CACNA1C: variants seen among roughly 807,000 people sequenced by gnomAD.
CACNA1C encodes calcium voltage-gated channel subunit alpha1 C.
Under a neutral mutation model 229.0 loss-of-function variants are expected in CACNA1C, and 30 were observed. The observed-to-expected ratio is 0.13, with a 90% confidence interval of 0.10 to 0.18. The LOEUF (loss-of-function observed/expected upper bound fraction) is 0.18. Among genes scored for constraint, CACNA1C ranks in the 10% least tolerant of loss-of-function variants. The pLI is 1.00. For missense variants in CACNA1C, 1,658 were observed against 2,845.0 expected (o/e 0.58, Z 9.49); for synonymous variants, 1,114 against 1,132.5 (o/e 0.98, Z 0.33).
At chr12:2,341,412 G>A (rs1460055782) in intron 3 of CACNA1C, among the ~76,000 whole-genome samples, 3 of 152,152 alleles carry the variant, frequency 2.0e-5, no homozygotes, top group East Asian at 1.9e-4. Flanking sequence ...ATTTCCTGAG[G>A]ATTCCAAGGC....
intron 13 of CACNA1C, among the ~76,000 whole-genome samples, chr12:2,569,346 C>T (rs1435703282): frequency 6.6e-6 from 1 of 152,222 alleles, no homozygotes; most frequent in African/African-American, 2.4e-5. Context: ...TTACCCCTTA[C>T]AATGTGTAAC....
intron 29 of CACNA1C, among the ~76,000 whole-genome samples, chr12:2,623,408 C>G (rs1210889267): frequency 1.3e-5 from 2 of 152,142 alleles, no homozygotes; most frequent in Non-Finnish European, 2.9e-5. Context: ...CGTCCTCCAG[C>G]CCTTGTCTCC....
At chr12:2,634,112 AG>A (rs2091817226) in intron 29 of CACNA1C, among the ~76,000 whole-genome samples, 184 bp from the exon 30 acceptor site, 1 of 151,718 alleles carries the variant, frequency 6.6e-6, no homozygotes, top group Admixed American at 6.6e-5. Context: ...CCAGAACTGT[AG>A]AGTGGTAAGA....
rs1175477245 is a variant in CACNA1C, at chr12:2,053,195, C to T, written c.-368C>T. 8.0e-6 allele frequency: 8 copies of T among 1,001,080 alleles called. No homozygotes were observed. The highest frequency in any genetic ancestry group is 1.1e-4 in the East Asian group (1 of 9,496). 62.0% of individuals were successfully genotyped at this position (1,001,080 alleles called of 1,614,324 possible). ...CTCGGCCCCTGCCGGCCCAGGCGGGCCCCGCGCGCCCCCCGCCCCTCCTCT... is the reference window on the plus strand; with the variant it reads ...CTCGGCCCCTGCCGGCCCAGGCGGGTCCCGCGCGCCCCCCGCCCCTCCTCT... On this transcript the variant is annotated 5_prime_UTR_variant, in exon 1 of 47. Transcript: ENST00000399655. This position sits in a 1 kb window ranked among gnomAD's most constrained non-coding sequence, Gnocchi z 5.8.
rs757538773 is a variant in CACNA1C, at chr12:2,691,106, C to G, written c.6324C>G (p.Ala2108=). ...GCAGGGACGCGGGGCAGGACCGAGCCGGGGGCGAAGAGGACGCGGGCTGTG... is the reference window on the plus strand; with the variant it reads ...GCAGGGACGCGGGGCAGGACCGAGCGGGGGGCGAAGAGGACGCGGGCTGTG... The part of the protein sequence containing the change: ...VNCRDAGQDR[A]GGEEDAGCVR... The change falls in exon 47 of 47, where the codon GCC becomes GCG. Residue 2108 remains alanine, a synonymous_variant. Coordinates refer to ENST00000399655, the MANE Select transcript of CACNA1C (RefSeq NM_000719.7). 2 of 1,611,932 alleles carry G rather than the reference C, an allele frequency of 1.2e-6. No homozygotes were observed. Among genetic ancestry groups the G allele is most frequent in the South Asian group, 1.1e-5 (1 of 90,866 alleles).
chr12:2,163,203 CAA>C (rs35977267), intron 3 of CACNA1C, among the ~76,000 whole-genome samples: 3,743 of 109,450 alleles, frequency 0.034, 159 homozygotes, highest in African/African-American at 0.12. Context: ...AATTCCATCT[CAA>C]AAAAAAAAAA....
At chr12:2,363,383 ACAT>A (rs1286694423) in intron 3 of CACNA1C, among the ~76,000 whole-genome samples, 2 of 152,212 alleles carry the variant, frequency 1.3e-5, no homozygotes, top group African/African-American at 4.8e-5. Context: ...TGGAAACTCC[ACAT>A]CATTTTGACC....
chr12:2,241,925 A>G (rs1274853570), intron 3 of CACNA1C, among the ~76,000 whole-genome samples: 2 of 151,962 alleles, frequency 1.3e-5, no homozygotes, highest in African/African-American at 4.8e-5. Context: ...CAGAATTTCC[A>G]TTTCTCCTGC....
At chr12:2,349,262 C>T (rs1315220310) in intron 3 of CACNA1C, among the ~76,000 whole-genome samples, 1 of 152,108 alleles carries the variant, frequency 6.6e-6, no homozygotes, top group East Asian at 1.9e-4. Context: ...GCATGAAGTC[C>T]CATGGTCCTG....
At position 2,689,279 on chromosome 12, in the gene CACNA1C, C is replaced by G. The variant is rs2097688174; in HGVS notation, c.6117+500C>G. On this transcript the variant is annotated intron_variant, in intron 46 of 46. Coordinates refer to ENST00000399655, the MANE Select transcript of CACNA1C (RefSeq NM_000719.7). The surrounding 1 kb of genome is among the most constrained non-coding windows in gnomAD (Gnocchi z 4.2). ...CTCTGCCTGGTCAGAGCATCTAGTGCAATCCCGGCACCACATTATTAGGGA... is the reference window on the plus strand; with the variant it reads ...CTCTGCCTGGTCAGAGCATCTAGTGGAATCCCGGCACCACATTATTAGGGA... Among the ~76,000 whole-genome samples, 1 of 152,176 alleles carries G rather than the reference C, an allele frequency of 6.6e-6. No homozygotes were observed. Among genetic ancestry groups the G allele is most frequent in the African/African-American group, 2.4e-5 (1 of 41,450 alleles).
At chr12:2,154,422 C>T (rs969938317) in intron 3 of CACNA1C, among the ~76,000 whole-genome samples, 1 of 152,234 alleles carries the variant, frequency 6.6e-6, no homozygotes, top group Non-Finnish European at 1.5e-5. Context: ...GCTCCCTGCC[C>T]CACTCATCGT....
At chr12:2,075,693 T>A (rs1850407799) in intron 1 of CACNA1C, among the ~76,000 whole-genome samples, 1 of 152,208 alleles carries the variant, frequency 6.6e-6, no homozygotes, top group Admixed American at 6.5e-5. Flanking sequence ...CCGGTAGGAA[T>A]GTTCACAGAA....
At chr12:2,125,446 T>G (rs1278144250) in intron 3 of CACNA1C, among the ~76,000 whole-genome samples, 1 of 152,184 alleles carries the variant, frequency 6.6e-6, no homozygotes, top group Non-Finnish European at 1.5e-5. Flanking sequence ...AAATCACTTA[T>G]GTACCCCGAA....
chr12:2,256,226 TA>T (rs1489788903), intron 3 of CACNA1C, among the ~76,000 whole-genome samples: 3 of 152,218 alleles, frequency 2.0e-5, no homozygotes, highest in Non-Finnish European at 4.4e-5. Context: ...TCTACATTTT[TA>T]ACAAGCTTCA....
rs1302567082 is a variant in CACNA1C, at chr12:2,513,456, AG to A, written c.1390+474del. On this transcript the variant is annotated intron_variant, in intron 9 of 46. Transcript: ENST00000399655. Reference sequence around the variant, plus strand: ...GCTTTCTCATAGGAAAGGTAGTGAAAGGTTTTCCTTAAGGGGGTTAGATTCA... The same window carrying A: ...GCTTTCTCATAGGAAAGGTAGTGAAAGTTTTCCTTAAGGGGGTTAGATTCA... Among the ~76,000 whole-genome samples, 3 of 152,198 alleles carry A rather than the reference AG, an allele frequency of 2.0e-5. No individual in the cohort carries two copies. In the East Asian group the frequency reaches 5.8e-4, roughly 29 times the overall value.
At chr12:2,508,434 G>A (rs748844262) in intron 8 of CACNA1C, among the ~76,000 whole-genome samples, 16 of 152,222 alleles carry the variant, frequency 1.1e-4, no homozygotes, top group Non-Finnish European at 1.6e-4. Flanking sequence ...AGAATCATGC[G>A]AAGCTAGGAG....
At chr12:2,155,641 G>A (rs1035525950) in intron 3 of CACNA1C, among the ~76,000 whole-genome samples, 3 of 152,264 alleles carry the variant, frequency 2.0e-5, no homozygotes, top group African/African-American at 7.2e-5. Flanking sequence ...TGCTGTGAGA[G>A]CATATTGGAT....
intron 6 of CACNA1C, among the ~76,000 whole-genome samples, chr12:2,492,499 A>C (rs2099737690): frequency 6.6e-6 from 1 of 152,368 alleles, no homozygotes. Flanking sequence ...ACATGCATGA[A>C]ATACAGTCAG....
chr12:2,033,120 C>T lies in CACNA1C; in HGVS notation c.139+61919C>T, dbSNP rs191615362. On this transcript the variant is annotated intron_variant, in intron 1 of 46. Coordinates refer to the CACNA1C transcript ENST00000682462. ...TAGCTAACCCACCCTGGGGGAGTTC[C>T]GCTGGCCATTCCACTTCCAGAGGGG... is the stretch of plus-strand genomic sequence containing the variant. 4.1e-4 allele frequency among the ~76,000 whole-genome samples: 62 copies of T among 152,276 alleles called. No individual in the cohort carries two copies. In the East Asian group the frequency reaches 6.2e-3, roughly 15 times the overall value.
Sources: allele counts gnomAD v4.1 joint callset (sites outside exome capture counted in the v4.1 genomes callset), GRCh38; gene constraint gnomAD v4.1.1; non-coding constraint Gnocchi (gnomAD v3.1); transcripts MANE v1.5; gene names NCBI Gene and HGNC (gene_info 2026-07-23, HGNC 2026-07-21).